The following NBAS variants were observed in gnomAD, a reference collection of about 807,000 sequenced individuals.
NBAS encodes the protein NBAS subunit of NRZ tethering complex, also known as NAG/BC035112 fusion.
NBAS carries 219 observed loss-of-function variants against 302.5 expected under a neutral mutation model. The observed-to-expected ratio is 0.72, with a 90% CI of 0.65 to 0.81. The LOEUF (loss-of-function observed/expected upper bound fraction) is 0.81. NBAS is among the 30% of genes least tolerant of loss of function. The pLI, the probability that NBAS is intolerant of heterozygous loss-of-function variation, is 0.00. For missense variants in NBAS, 2,932 were observed against 2,841.6 expected, an observed-to-expected ratio of 1.03 and a Z score of -0.72; for synonymous variants, 1,118 against 1,021.6, an observed-to-expected ratio of 1.09 and a Z score of -1.80.
At chr2:14,883,395 C>T in the NBAS span, among the ~76,000 whole-genome samples, 1 of 152,128 alleles carries the variant, frequency 6.6e-6, no homozygotes, top group Non-Finnish European at 1.5e-5. Flanking sequence ...ATGCTTTATG[C>T]TTGCAATCTC....
In NBAS at chr2:15,534,652, GAGGGT is replaced by G; in HGVS notation, c.648-16_648-12del. On this transcript the variant is annotated splice_polypyrimidine_tract_variant and intron_variant, in intron 8 of 51. Coordinates refer to ENST00000281513, the MANE Select transcript of NBAS (RefSeq NM_015909.4). ...TGATTTGTTCCAACACTAAATTTAA[GAGGGT>G]ATGAAAGAAGTAAATACCATTAAAC... The G allele has an allele frequency of 2.5e-6, 4 of 1,592,198 alleles. No homozygotes were observed. The highest frequency in any genetic ancestry group is 3.4e-6 in the Non-Finnish European group (4 of 1,160,066).
chr2:14,854,225 G>A, the NBAS span, among the ~76,000 whole-genome samples: 85,446 of 151,698 alleles, frequency 0.56, 26,466 homozygotes, highest in African/African-American at 0.84. Context: ...TACCTTGAAA[G>A]AGAAGGAAAA....
rs1647416611 is a variant in NBAS at position 15,353,636 on chromosome 2, C to T, written c.4006G>A (p.Glu1336Lys). The change falls in exon 34 of 52, where the codon GAG becomes AAG. Residue 1336 changes from glutamate (E) to lysine (K), a missense_variant. Coordinates refer to ENST00000281513, the MANE Select transcript of NBAS (RefSeq NM_015909.4). ...EGYQDLATRQ[E>K]LMAFALTHCP... The stretch of plus-strand genomic sequence containing the variant: ...TGTGTCAAAGCAAAAGCCATGAGCT[C>T]TTGACGAGTGGCCAAGTCCTGGTAA... 1 of 1,613,948 alleles carries T rather than the reference C, an allele frequency of 6.2e-7. No homozygotes were observed. Among genetic ancestry groups the T allele is most frequent in the Admixed American group, 1.7e-5 (1 of 60,000 alleles).
intron 30 of NBAS, among the ~76,000 whole-genome samples, chr2:15,376,407 T>G (rs1281232758): frequency 6.6e-6 from 1 of 152,154 alleles, no homozygotes; most frequent in Non-Finnish European, 1.5e-5. Context: ...CCAAAAAGAT[T>G]GAGGTGAAAT....
the NBAS span, among the ~76,000 whole-genome samples, chr2:14,985,392 G>A: frequency 3.9e-3 from 591 of 152,276 alleles, 4 homozygotes; most frequent in African/African-American, 0.014. Context: ...AAAACATAAG[G>A]TAGCAAGAGA....
intron 51 of NBAS, among the ~76,000 whole-genome samples, chr2:15,174,498 T>C (rs1664441866): frequency 6.6e-6 from 1 of 152,160 alleles, no homozygotes; most frequent in Admixed American, 6.5e-5. Flanking sequence ...TCACCCAAAA[T>C]GGCCCAGAGC....
the NBAS span, among the ~76,000 whole-genome samples, chr2:15,128,908 G>A: frequency 1.3e-5 from 2 of 152,316 alleles, no homozygotes; most frequent in South Asian, 2.1e-4. Context: ...GCACCAGGGC[G>A]TGGGCTTTGG....
the NBAS span, among the ~76,000 whole-genome samples, chr2:14,928,996 G>A: frequency 6.6e-6 from 1 of 152,118 alleles, no homozygotes; most frequent in Non-Finnish European, 1.5e-5. Flanking sequence ...TTCATCCTCA[G>A]TAAGAAATTG....
chr2:15,087,942 C>G, the NBAS span, among the ~76,000 whole-genome samples: 14 of 152,158 alleles, frequency 9.2e-5, no homozygotes, highest in Non-Finnish European at 2.1e-4. Context: ...AGACAAAACA[C>G]GCGGAGAGTG....
chr2:15,435,809 T>C (rs1264289271), intron 21 of NBAS, among the ~76,000 whole-genome samples: 2 of 152,220 alleles, frequency 1.3e-5, no homozygotes, highest in Admixed American at 1.3e-4. Context: ...AGTGGTATAC[T>C]TCTCAAATTC....
chr2:14,939,926 TTA>T, the NBAS span, among the ~76,000 whole-genome samples: 1 of 152,216 alleles, frequency 6.6e-6, no homozygotes, highest in African/African-American at 2.4e-5. Context: ...ACCATCTAGT[TTA>T]AAGTTAGCTT....
At chr2:15,317,401 T>C (rs1049224413) in intron 38 of NBAS, among the ~76,000 whole-genome samples, 3 of 152,234 alleles carry the variant, frequency 2.0e-5, no homozygotes, top group African/African-American at 7.2e-5. Flanking sequence ...AGAATGATTT[T>C]GACAAGTTAA....
the NBAS span, among the ~76,000 whole-genome samples, chr2:15,110,048 G>A: frequency 3.3e-5 from 5 of 152,070 alleles, no homozygotes; most frequent in African/African-American, 1.2e-4. Context: ...AATACATGGA[G>A]ACAAGAGACT....
At chr2:14,975,324 A>G in the NBAS span, among the ~76,000 whole-genome samples, 1 of 152,206 alleles carries the variant, frequency 6.6e-6, no homozygotes, top group South Asian at 2.1e-4. Flanking sequence ...AAAAGCCTAT[A>G]TGCCTCCATT....
the NBAS span, among the ~76,000 whole-genome samples, chr2:14,915,954 G>T: frequency 6.6e-6 from 1 of 152,076 alleles, no homozygotes; most frequent in African/African-American, 2.4e-5. Flanking sequence ...CTTGCCTACT[G>T]CCATGATTGT....
At chr2:14,940,499 G>T in the NBAS span, among the ~76,000 whole-genome samples, 2 of 151,952 alleles carry the variant, frequency 1.3e-5, no homozygotes, top group Non-Finnish European at 2.9e-5. Context: ...TTATATATAC[G>T]CTGAAAGGCA....
chr2:14,976,074 G>A, the NBAS span, among the ~76,000 whole-genome samples: 463 of 152,286 alleles, frequency 3.0e-3, 1 homozygote, highest in African/African-American at 0.011. Flanking sequence ...GAAAGAATAC[G>A]GAGTGGAGCA....
chr2:15,030,795 G>C, the NBAS span, among the ~76,000 whole-genome samples: 1 of 152,158 alleles, frequency 6.6e-6, no homozygotes, highest in Non-Finnish European at 1.5e-5. Flanking sequence ...GTAGGATGTA[G>C]AGCAGCATCC....
At chr2:14,906,284 A>G in the NBAS span, among the ~76,000 whole-genome samples, 1 of 152,158 alleles carries the variant, frequency 6.6e-6, no homozygotes, top group Admixed American at 6.5e-5. Flanking sequence ...GTAACTCTAA[A>G]CAGTAGGTGC....
Sources: gnomAD v4.1 joint callset for allele counts (sites outside exome capture counted in the v4.1 genomes callset) on GRCh38, gnomAD v4.1.1 for gene constraint, MANE v1.5 for transcripts, NCBI Gene and HGNC (gene_info 2026-07-23, HGNC 2026-07-21) for gene names.